The following HNRNPM variants were observed in gnomAD, a reference collection of about 807,000 sequenced individuals.
The protein encoded by HNRNPM is heterogeneous nuclear ribonucleoprotein M, also known as CEA receptor.
A neutral mutation model predicts 73.1 loss-of-function variants in HNRNPM; 11 were observed. The ratio of observed to expected loss-of-function variants is 0.15; its 90% CI spans 0.09 to 0.25. HNRNPM has a LOEUF of 0.25. HNRNPM is among the 10% of genes least tolerant of loss of function. The pLI, the probability that HNRNPM is intolerant of heterozygous loss-of-function variation, is 1.00. For missense variants in HNRNPM, 789 were observed against 1,067.9 expected (o/e 0.74, Z 3.64); for synonymous variants, 407 against 355.2 (o/e 1.15, Z -1.64).
At chr19:8,481,760 G>A (rs1238231051) in intron 12 of HNRNPM, among the ~76,000 whole-genome samples, 1 of 152,150 alleles carries the variant, frequency 6.6e-6, no homozygotes, top group African/African-American at 2.4e-5. Flanking sequence ...TGTTGGACAA[G>A]CTTGGTCTAG....
Position 8,464,757 on chromosome 19 carries a change from G to A in HNRNPM, c.439-567G>A, listed in dbSNP as rs1599784187. 5.3e-5 allele frequency among the ~76,000 whole-genome samples: 8 copies of A among 152,266 alleles called. No individual in the cohort carries two copies. In the South Asian group the frequency reaches 1.7e-3, roughly 32 times the overall value. On this transcript the variant is annotated intron_variant, in intron 5 of 15. Transcript: ENST00000325495. Reference sequence around the variant, plus strand: ...TTATGATGTCTTTTTTAGTGCTGATGGTGGTAATTGACAGGACAGAGAGTT... The same window carrying A: ...TTATGATGTCTTTTTTAGTGCTGATAGTGGTAATTGACAGGACAGAGAGTT...
At chr19:8,484,123 T>C (rs1188715696) in intron 13 of HNRNPM, among the ~76,000 whole-genome samples, 1 of 151,704 alleles carries the variant, frequency 6.6e-6, no homozygotes, top group Non-Finnish European at 1.5e-5. Flanking sequence ...TCCTGACTTC[T>C]GTGTTGGGCT....
At chr19:8,477,660 C>CAAAAAAAAAA (rs35193948) in intron 12 of HNRNPM, among the ~76,000 whole-genome samples, 4 of 117,084 alleles carry the variant, frequency 3.4e-5, no homozygotes, top group African/African-American at 1.5e-4. Flanking sequence ...AACCCTGTCT[C>CAAAAAAAAAA]AAAAAAAAAA....
At chr19:8,461,067 G>C (rs540558048) in intron 2 of HNRNPM, among the ~76,000 whole-genome samples, 1 of 152,178 alleles carries the variant, frequency 6.6e-6, no homozygotes. Context: ...AAATTGTACT[G>C]ATCCCTCATA....
intron 2 of HNRNPM, among the ~76,000 whole-genome samples, chr19:8,461,226 CAG>C (rs1404766882): frequency 6.6e-6 from 1 of 152,202 alleles, no homozygotes; most frequent in Admixed American, 6.5e-5. Context: ...AACCAATGTG[CAG>C]AGCCATTAAT....
chr19:8,454,186 T>C (rs1408348851), intron 1 of HNRNPM, among the ~76,000 whole-genome samples: 1 of 152,258 alleles, frequency 6.6e-6, no homozygotes, highest in Non-Finnish European at 1.5e-5. Flanking sequence ...CTGGAACTTT[T>C]ATTCTCATCC....
intron 1 of HNRNPM, among the ~76,000 whole-genome samples, chr19:8,452,973 T>C (rs1294302105): frequency 1.3e-5 from 2 of 151,834 alleles, no homozygotes; most frequent in Non-Finnish European, 2.9e-5. Flanking sequence ...CCTGAGTAGC[T>C]GGGACTACAG....
At chr19:8,459,818 C>T (rs1036850141) in intron 2 of HNRNPM, among the ~76,000 whole-genome samples, 1 of 152,122 alleles carries the variant, frequency 6.6e-6, no homozygotes, top group Non-Finnish European at 1.5e-5. Context: ...ATAAGGCAGT[C>T]TTTTTAATAA....
In HNRNPM at chr19:8,479,078, CTTTTTTTTTTTT is replaced by C. The variant is rs74176651; in HGVS notation, c.1121-4067_1121-4056del. The stretch of plus-strand genomic sequence containing the variant: ...ATTTCCTCCTCTTTTTTCTTTCTTT[CTTTTTTTTTTTT>C]TTTTTTTTTTTTCAAGACAGAGTCT... On this transcript the variant is annotated intron_variant, in intron 12 of 15. Transcript: ENST00000325495. Among the ~76,000 whole-genome samples the C allele has an allele frequency of 1.9e-3, 142 of 73,840 alleles. 1 individual carries two copies. The highest frequency in any genetic ancestry group is 6.7e-3 in the African/African-American group (134 of 20,088). 48.4% of individuals were successfully genotyped at this position (73,840 alleles called of 152,430 possible). A position where few individuals can be genotyped will look rare whatever the true frequency, so the allele number is the denominator to read the frequency against.
intron 12 of HNRNPM, chr19:8,482,953 G>A: frequency 1.1e-5 from 6 of 543,494 alleles, no homozygotes; most frequent in South Asian, 4.9e-5. Flanking sequence ...CTGGAGCTAC[G>A]TGGGGTCTTG....
chr19:8,469,599 A>G (rs759612682), intron 9 of HNRNPM, among the ~76,000 whole-genome samples: 36 of 152,388 alleles, frequency 2.4e-4, no homozygotes, highest in African/African-American at 7.2e-4. Context: ...GGGCTACCAC[A>G]TAGGTAGAAG....
chr19:8,487,079 A>G lies in HNRNPM; in HGVS notation c.2029+4A>G. 1 of 1,612,812 alleles carries G rather than the reference A, an allele frequency of 6.2e-7. No homozygotes were observed. Among genetic ancestry groups the G allele is most frequent in the Non-Finnish European group, 8.5e-7 (1 of 1,178,776 alleles). On this transcript the variant is annotated splice_donor_region_variant and intron_variant, in intron 15 of 15. Transcript: ENST00000325495. ...AAGGACAAATTCAACGAGTGCGGTA[A>G]GTGTTGGGAACGGCTTTGTAGGTGC...
chr19:8,468,218 T>A (rs1347936116), intron 8 of HNRNPM, among the ~76,000 whole-genome samples: 1 of 152,148 alleles, frequency 6.6e-6, no homozygotes, highest in Non-Finnish European at 1.5e-5. Flanking sequence ...TATTACAGTA[T>A]AATGTTTGGT....
chr19:8,467,512 A>G, intron 7 of HNRNPM, 23 bp from the exon 8 acceptor site: 1 of 1,595,814 alleles, frequency 6.3e-7, no homozygotes, highest in Non-Finnish European at 8.6e-7. Context: ...AATTGCAAGA[A>G]ATAGCCTTAA....
At chr19:8,479,078 CTTTTTTTTTTT>C (rs74176651) in intron 12 of HNRNPM, among the ~76,000 whole-genome samples, 78 of 73,840 alleles carry the variant, frequency 1.1e-3, no homozygotes, top group African/African-American at 3.8e-3. Context: ...TTCTTTCTTT[CTTTTTTTTTTT>C]TTTTTTTTTT....
chr19:8,445,644 C>T (rs1362463682), intron 1 of HNRNPM: 1 of 152,334 alleles, frequency 6.6e-6, no homozygotes, highest in African/African-American at 2.4e-5. Context: ...GGGGGGCTCC[C>T]CTCCTGCCCC....
chr19:8,473,750 G>A (rs775136806), intron 11 of HNRNPM, 42 bp downstream of exon 11: 7 of 1,188,890 alleles, frequency 5.9e-6, no homozygotes, highest in Non-Finnish European at 3.7e-6. Flanking sequence ...TCACTTTTAG[G>A]CATAGTTTTC....
Position 8,462,291 on chromosome 19 carries a change from T to C in HNRNPM, c.284-238T>C. ...AGACAGGGAAATTGATACGGAAATC[T>C]GTGGAATAGCTTGTTTGTGGTGGGA... On this transcript the variant is annotated intron_variant, in intron 2 of 15. Coordinates refer to ENST00000325495, the MANE Select transcript of HNRNPM (RefSeq NM_005968.5). This position sits in a 1 kb window ranked among gnomAD's most constrained non-coding sequence, Gnocchi z 4.5. The C allele has an allele frequency of 2.1e-6, 1 of 486,064 alleles. No homozygotes were observed. Among genetic ancestry groups the C allele is most frequent in the Non-Finnish European group, 3.8e-6 (1 of 266,552 alleles). The allele number at this position is 486,064 out of a possible 1,614,324, so 30.1% of individuals were successfully genotyped here.
intron 2 of HNRNPM, among the ~76,000 whole-genome samples, chr19:8,457,212 T>C (rs1969084965): frequency 6.6e-6 from 1 of 152,228 alleles, no homozygotes; most frequent in Non-Finnish European, 1.5e-5. Flanking sequence ...TGGGACATGC[T>C]GGATGAAGTA....
Sources: allele counts gnomAD v4.1 joint callset (sites outside exome capture counted in the v4.1 genomes callset), GRCh38; gene constraint gnomAD v4.1.1; non-coding constraint Gnocchi (gnomAD v3.1); transcripts MANE v1.5; gene names NCBI Gene and HGNC (gene_info 2026-07-23, HGNC 2026-07-21).